Variants in TDRD12 observed in about 807,000 individuals in gnomAD.
TDRD12 encodes the protein tudor domain containing 12.
Under a neutral mutation model 133.5 loss-of-function variants are expected in TDRD12, and 158 were observed. The ratio of observed to expected loss-of-function variants is 1.18; its 90% CI spans 1.04 to 1.35. The LOEUF is 1.35. Ranked by LOEUF, TDRD12 falls within the 40% of genes most tolerant of loss-of-function variation. The probability of loss-of-function intolerance (pLI) is 0.00; values close to 1 mark genes in which losing one functional copy is unlikely to be tolerated. For missense variants in TDRD12, 1,443 were observed against 1,321.3 expected (o/e 1.09, Z -1.43); for synonymous variants, 460 against 477.9 (o/e 0.96, Z 0.49).
intron 2 of TDRD12, among the ~76,000 whole-genome samples, chr19:32,733,853 T>G (rs369273925): frequency 6.6e-6 from 1 of 151,998 alleles, no homozygotes; most frequent in East Asian, 1.9e-4. Context: ...AATAACACTG[T>G]TCCTTTTTTA....
exon 17 of TDRD12, chr19:32,800,267 A>G (rs1030168704): frequency 3.9e-6 from 6 of 1,535,128 alleles, no homozygotes; most frequent in South Asian, 1.2e-5. Context: ...TGGAACAAAC[A>G]TATAGAACAT....
intron 5 of TDRD12, 28 bp from the exon 6 acceptor site, chr19:32,749,756 G>T: frequency 6.8e-7 from 1 of 1,473,054 alleles, no homozygotes; most frequent in Non-Finnish European, 9.3e-7. Context: ...AACATCAGCT[G>T]ATTTGTGTTT....
Position 32,740,256 on chromosome 19 carries a change from G to T in TDRD12, c.320+1264G>T, listed in dbSNP as rs188255925. ...TCCTGGGCACTCTCTGCATCTCCTG[G>T]TGCTCTCTCTGCATCTCCTGGGCGC... is the stretch of plus-strand genomic sequence containing the variant. On this transcript the variant is annotated intron_variant, in intron 3 of 27. Coordinates refer to ENST00000444215, the Ensembl canonical transcript of TDRD12. 7.6e-3 allele frequency among the ~76,000 whole-genome samples: 614 copies of T among 80,454 alleles called. 29 individuals carry two copies. In the East Asian group the frequency reaches 0.12, roughly 15 times the overall value. 52.8% of individuals were successfully genotyped at this position (80,454 alleles called of 152,430 possible).
chr19:32,765,753 G>T (rs1970278640), intron 8 of TDRD12, among the ~76,000 whole-genome samples: 1 of 151,714 alleles, frequency 6.6e-6, no homozygotes, highest in African/African-American at 2.4e-5. Context: ...GTGGGGGTCG[G>T]GGGGAGGGAT....
intron 8 of TDRD12, among the ~76,000 whole-genome samples, chr19:32,757,929 T>A (rs1366545309): frequency 6.6e-6 from 1 of 152,206 alleles, no homozygotes; most frequent in Non-Finnish European, 1.5e-5. Context: ...ACTTTGGTAA[T>A]GTTGCTTATC....
chr19:32,771,190 A>C (rs1319214986), intron 8 of TDRD12, among the ~76,000 whole-genome samples: 1 of 152,158 alleles, frequency 6.6e-6, no homozygotes, highest in Non-Finnish European at 1.5e-5. Flanking sequence ...AGATTTTTTG[A>C]GATGGAGTCA....
chr19:32,761,246 G>A (rs1353883912), intron 8 of TDRD12, among the ~76,000 whole-genome samples: 1 of 152,180 alleles, frequency 6.6e-6, no homozygotes, highest in African/African-American at 2.4e-5. Context: ...CTCCCAAGTA[G>A]CTGGGACTAC....
chr19:32,755,577 A>G (rs1288896416), intron 6 of TDRD12, among the ~76,000 whole-genome samples: 1 of 152,236 alleles, frequency 6.6e-6, no homozygotes, highest in Non-Finnish European at 1.5e-5. Context: ...TTCTGGATAC[A>G]TGTCATCCGG....
At chr19:32,783,881 C>G (rs1970836170) in intron 11 of TDRD12, among the ~76,000 whole-genome samples, 1 of 152,188 alleles carries the variant, frequency 6.6e-6, no homozygotes, top group South Asian at 2.1e-4. Context: ...ATGGGGTTTT[C>G]TAAATATGCA....
rs550136219 is a variant in TDRD12, at chr19:32,743,202, C to T, written c.440+302C>T. 5.3e-5 allele frequency among the ~76,000 whole-genome samples: 8 copies of T among 152,376 alleles called. No individual in the cohort carries two copies. In the South Asian group the frequency reaches 6.2e-4, roughly 12 times the overall value. On this transcript the variant is annotated intron_variant, in intron 4 of 27. Coordinates refer to ENST00000444215, the Ensembl canonical transcript of TDRD12. ...TTATACATGTGTACACGCGCACGCG[C>T]GCACGGTCTCACCCTTTTGCCCGGG...
At chr19:32,818,727 G>T (rs1238966127) in intron 27 of TDRD12, among the ~76,000 whole-genome samples, 1 of 152,208 alleles carries the variant, frequency 6.6e-6, no homozygotes, top group Non-Finnish European at 1.5e-5. Context: ...GGGGAGCATG[G>T]AGTAGGGTGG....
chr19:32,812,958 G>A, intron 24 of TDRD12, among the ~76,000 whole-genome samples: 1 of 152,022 alleles, frequency 6.6e-6, no homozygotes, highest in East Asian at 1.9e-4. Flanking sequence ...GATTGCTTAA[G>A]CCTGGGAGTT....
intron 13 of TDRD12, among the ~76,000 whole-genome samples, chr19:32,793,543 G>A (rs7257919): frequency 0.59 from 89,504 of 151,932 alleles, 27,224 homozygotes; most frequent in East Asian, 0.83. Flanking sequence ...CGATGAGCTC[G>A]GCCATTTGGA....
Position 32,739,618 on chromosome 19 carries a change from GTCTGCATCTCCTGGGTGCTC to G in TDRD12, c.320+641_320+660del, listed in dbSNP as rs1380392730. On this transcript the variant is annotated intron_variant, in intron 3 of 27. Coordinates refer to ENST00000444215, the Ensembl canonical transcript of TDRD12. The stretch of plus-strand genomic sequence containing the variant: ...CTGCTGTCTGCATCTCCTGGGTGCT[GTCTGCATCTCCTGGGTGCTC>G]TCTGCATCTCCTGGTGCTCTCTCTG... Among the ~76,000 whole-genome samples, 7 of 113,148 alleles carry G rather than the reference GTCTGCATCTCCTGGGTGCTC, an allele frequency of 6.2e-5. No individual in the cohort carries two copies. In the East Asian group the frequency reaches 1.4e-3, roughly 22 times the overall value. 74.2% of individuals were successfully genotyped at this position (113,148 alleles called of 152,430 possible). A position where few individuals can be genotyped will look rare whatever the true frequency, so the allele number is the denominator to read the frequency against.
At chr19:32,755,762 C>T (rs991824348) in intron 6 of TDRD12, among the ~76,000 whole-genome samples, 1 of 152,220 alleles carries the variant, frequency 6.6e-6, no homozygotes, top group African/African-American at 2.4e-5. Flanking sequence ...GTGCGTATGT[C>T]CAAGAAGACA....
At chr19:32,797,219 G>T (rs1037905039) in intron 14 of TDRD12, among the ~76,000 whole-genome samples, 2 of 152,092 alleles carry the variant, frequency 1.3e-5, no homozygotes, top group Non-Finnish European at 2.9e-5. Flanking sequence ...GACCTCGGGT[G>T]ATCCACCTGA....
At chr19:32,805,179 A>T (rs1332774817) in intron 21 of TDRD12, among the ~76,000 whole-genome samples, 1 of 108,808 alleles carries the variant, frequency 9.2e-6, no homozygotes, top group Non-Finnish European at 1.8e-5. Context: ...TTATATATAT[A>T]ACATATATAA....
intron 27 of TDRD12, among the ~76,000 whole-genome samples, chr19:32,819,794 C>T (rs951608772): frequency 1.3e-5 from 2 of 152,130 alleles, no homozygotes; most frequent in African/African-American, 4.8e-5. Context: ...CAGGACTTGG[C>T]GGTTGGCAGA....
chr19:32,794,734 A>G, exon 14 of TDRD12: 1 of 703,312 alleles, frequency 1.4e-6, no homozygotes, highest in Non-Finnish European at 2.6e-6. Context: ...TGTGAAAGCA[A>G]CCCTTTGCTC....
Sources: gnomAD v4.1 joint callset for allele counts (sites outside exome capture counted in the v4.1 genomes callset) on GRCh38, gnomAD v4.1.1 for gene constraint, MANE v1.5 for transcripts, NCBI Gene and HGNC (gene_info 2026-07-23, HGNC 2026-07-21) for gene names.